Variants in ZNF280D observed in about 807,000 individuals in gnomAD.
The protein encoded by ZNF280D is suppressor of hairy wing homolog 4.
A neutral mutation model predicts 94.7 loss-of-function variants in ZNF280D; 39 were observed. That is an observed-to-expected ratio of 0.41 (90% CI 0.32 to 0.54). The LOEUF is 0.54. Among genes scored for constraint, ZNF280D ranks in the 20% least tolerant of loss-of-function variants. The probability of loss-of-function intolerance (pLI) is 0.22; values close to 1 mark genes in which losing one functional copy is unlikely to be tolerated. For synonymous variants in ZNF280D, 398 were observed against 377.6 expected, an observed-to-expected ratio of 1.05 and a Z score of -0.63; for missense variants, 1,090 against 1,149.3, an observed-to-expected ratio of 0.95 and a Z score of 0.75.
intron 16 of ZNF280D, among the ~76,000 whole-genome samples, chr15:56,663,529 C>T (rs754585788): frequency 5.3e-5 from 8 of 151,928 alleles, no homozygotes; most frequent in Non-Finnish European, 7.4e-5. Context: ...GAGAAGAGTT[C>T]GCCATTCAGT....
intron 1 of ZNF280D, among the ~76,000 whole-genome samples, chr15:56,714,726 C>A (rs1596636325): frequency 6.6e-6 from 1 of 152,268 alleles, no homozygotes; most frequent in African/African-American, 2.4e-5. Flanking sequence ...CACGTTAATT[C>A]TCTGAAATTA....
intron 6 of ZNF280D, among the ~76,000 whole-genome samples, chr15:56,694,335 ACAC>A (rs1458579855): frequency 3.1e-4 from 45 of 144,676 alleles, no homozygotes; most frequent in African/African-American, 1.1e-3. Flanking sequence ...ACACACACAC[ACAC>A]AAGTATACTC....
intron 9 of ZNF280D, among the ~76,000 whole-genome samples, chr15:56,688,179 C>T (rs955209759): frequency 1.3e-5 from 2 of 151,980 alleles, no homozygotes; most frequent in Non-Finnish European, 2.9e-5. Context: ...GTACTTTGAA[C>T]ATTTCTTAAA....
intron 12 of ZNF280D, 82 bp from the exon 13 acceptor site, chr15:56,676,898 G>T: frequency 9.0e-7 from 1 of 1,113,828 alleles, no homozygotes; most frequent in Non-Finnish European, 1.3e-6. Flanking sequence ...TGGATAATTT[G>T]TCAGGAGAAC....
rs2054314380 is a variant in ZNF280D at position 56,666,700 on chromosome 15, T to C, written c.1832A>G (p.Asn611Ser). 1.2e-6 allele frequency: 2 copies of C among 1,609,274 alleles called. No homozygotes were observed. The highest frequency in any genetic ancestry group is 1.7e-6 in the Non-Finnish European group (2 of 1,178,636). ...LASSNKKSKV[N>S]TALRNLRYRR... ...TTACCTTAAATTCCTCAATGCTGTATTGACTTTACTTTTTTTATTGCTACT... is the reference window on the plus strand; with the variant it reads ...TTACCTTAAATTCCTCAATGCTGTACTGACTTTACTTTTTTTATTGCTACT... The change falls in exon 15 of 22, where the codon AAT becomes AGT. Residue 611 changes from asparagine to serine, a missense_variant. Coordinates refer to ENST00000267807, the MANE Select transcript of ZNF280D (RefSeq NM_017661.4).
At chr15:56,707,050 ATATTAG>A in intron 3 of ZNF280D, 26 bp downstream of exon 3, 1 of 1,602,580 alleles carries the variant, frequency 6.2e-7, no homozygotes. Flanking sequence ...AAAGCCACAT[ATATTAG>A]TATTAGTTGT....
intron 20 of ZNF280D, among the ~76,000 whole-genome samples, chr15:56,641,147 CT>C (rs1290533166): frequency 6.6e-6 from 1 of 151,952 alleles, no homozygotes; most frequent in Admixed American, 6.6e-5. Context: ...CATTTGTTTA[CT>C]TTTTTCATTT....
At chr15:56,677,913 T>C (rs1439197995) in intron 11 of ZNF280D, among the ~76,000 whole-genome samples, 1 of 152,062 alleles carries the variant, frequency 6.6e-6, no homozygotes, top group Non-Finnish European at 1.5e-5. Context: ...TATTCAAGTA[T>C]TAAGTAACGT....
At chr15:56,674,025 T>C (rs2055049423) in intron 13 of ZNF280D, among the ~76,000 whole-genome samples, 1 of 152,102 alleles carries the variant, frequency 6.6e-6, no homozygotes, top group Non-Finnish European at 1.5e-5. Context: ...CTTTCTCTAC[T>C]ATAATGTAAA....
At chr15:56,633,529 C>T (rs1166662486) in intron 21 of ZNF280D, among the ~76,000 whole-genome samples, 1 of 151,598 alleles carries the variant, frequency 6.6e-6, no homozygotes, top group African/African-American at 2.4e-5. Context: ...CTCACTGTGA[C>T]GTCCAGGGTG....
At chr15:56,710,661 T>C (rs1239948238) in intron 1 of ZNF280D, among the ~76,000 whole-genome samples, 1 of 151,940 alleles carries the variant, frequency 6.6e-6, no homozygotes, top group Non-Finnish European at 1.5e-5. Flanking sequence ...ATTTTTTCTA[T>C]AAAAAAAATT....
intron 9 of ZNF280D, among the ~76,000 whole-genome samples, chr15:56,687,424 T>A (rs538923797): frequency 7.2e-5 from 11 of 152,222 alleles, no homozygotes; most frequent in African/African-American, 2.6e-4. Flanking sequence ...ATGCCACAAT[T>A]TCTGTACAAA....
intron 13 of ZNF280D, among the ~76,000 whole-genome samples, chr15:56,669,916 ATATATATAT>A (rs1566960280): frequency 0.011 from 46 of 4,148 alleles, 7 homozygotes; most frequent in African/African-American, 0.031. Context: ...TATATATATT[ATATATATAT>A]TATATATATA....
intron 6 of ZNF280D, among the ~76,000 whole-genome samples, chr15:56,694,262 C>T (rs376254230): frequency 4.9e-4 from 70 of 143,864 alleles, no homozygotes; most frequent in Non-Finnish European, 7.9e-4. Context: ...ACATACACTC[C>T]GATATTATTA....
chr15:56,689,015 C>T (rs765168116), intron 9 of ZNF280D, 26 bp downstream of exon 9: 1 of 1,508,574 alleles, frequency 6.6e-7, no homozygotes, highest in South Asian at 1.2e-5. Context: ...AAACTTTTTA[C>T]AAATTAAATT....
Position 56,700,998 on chromosome 15 carries a change from T to C in ZNF280D, c.316A>G (p.Ile106Val), listed in dbSNP as rs751032338. The change falls in exon 6 of 22, where the codon ATA becomes GTA. Residue 106 changes from isoleucine (I) to valine (V), a missense_variant. By Grantham distance (29) the Ile-to-Val change is conservative. Coordinates refer to ENST00000267807, the MANE Select transcript of ZNF280D (RefSeq NM_017661.4). ...GATCTAGACTCAGGATGAAAATTTA[T>C]TGGTGAGGCAGGCACTGGATTTGAT... Reference protein sequence around the residue: ...PTSNPVPASPINFHPESRSSD... With the variant: ...PTSNPVPASPVNFHPESRSSD... 13 of 1,613,830 alleles carry C rather than the reference T, an allele frequency of 8.1e-6. No homozygotes were observed. The Admixed American group carries it at 8.3e-5, about 10-fold the overall frequency.
chr15:56,681,307 C>T (rs1396428354), intron 10 of ZNF280D, among the ~76,000 whole-genome samples: 3 of 152,080 alleles, frequency 2.0e-5, no homozygotes, highest in Non-Finnish European at 4.4e-5. Flanking sequence ...CAAGAATAAA[C>T]ACAAAAGGCA....
At chr15:56,661,276 G>C (rs1335906312) in intron 16 of ZNF280D, among the ~76,000 whole-genome samples, 2 of 152,148 alleles carry the variant, frequency 1.3e-5, no homozygotes, top group African/African-American at 2.4e-5. Context: ...TTGAAAAGTA[G>C]TTAGGAATCT....
At chr15:56,689,245 A>T in intron 8 of ZNF280D, 55 bp downstream of exon 8, 1 of 1,559,020 alleles carries the variant, frequency 6.4e-7, no homozygotes, top group Non-Finnish European at 8.7e-7. Context: ...AGCCACTTCA[A>T]AAATGTATGT....
Sources: gnomAD v4.1 joint callset for allele counts (sites outside exome capture counted in the v4.1 genomes callset) on GRCh38, gnomAD v4.1.1 for gene constraint, MANE v1.5 for transcripts, NCBI Gene and HGNC (gene_info 2026-07-23, HGNC 2026-07-21) for gene names.